Variants in KCNN2 observed in about 807,000 individuals in gnomAD.
KCNN2 encodes the protein potassium calcium-activated channel subfamily N member 2.
Under a neutral mutation model 55.5 loss-of-function variants are expected in KCNN2, and 24 were observed. The observed-to-expected ratio is 0.43, with a 90% confidence interval of 0.31 to 0.61. KCNN2 has a LOEUF of 0.61. Among genes scored for constraint, KCNN2 ranks in the 20% least tolerant of loss-of-function variants. KCNN2 has a pLI of 0.08. For missense variants in KCNN2, 754 were observed against 853.6 expected (o/e 0.88, Z 1.45); for synonymous variants, 431 against 336.1 (o/e 1.28, Z -3.09).
At chr5:114,068,065 G>A (rs147028939) in intron 1 of KCNN2, among the ~76,000 whole-genome samples, 289 of 152,248 alleles carry the variant, frequency 1.9e-3, no homozygotes, top group African/African-American at 6.5e-3. Flanking sequence ...TAACAAAGTC[G>A]CAGAAGTCAT....
chr5:114,379,525 T>G (rs1227745227), intron 2 of KCNN2, among the ~76,000 whole-genome samples: 1 of 107,608 alleles, frequency 9.3e-6, no homozygotes, highest in African/African-American at 4.1e-5. Flanking sequence ...GAATATATTA[T>G]ATAACATATT....
intron 2 of KCNN2, among the ~76,000 whole-genome samples, chr5:114,234,692 G>A (rs768626136): frequency 2.7e-4 from 41 of 152,124 alleles, no homozygotes; most frequent in Non-Finnish European, 5.6e-4. Flanking sequence ...GGAGAGTGGA[G>A]AAGAGGGGAG....
chr5:114,430,015 C>G (rs1280848102), intron 3 of KCNN2, among the ~76,000 whole-genome samples: 4 of 151,810 alleles, frequency 2.6e-5, no homozygotes, highest in African/African-American at 9.7e-5. Flanking sequence ...AACACACTGT[C>G]TTGATTAATG....
At chr5:114,373,640 T>A (rs1444567611) in intron 2 of KCNN2, among the ~76,000 whole-genome samples, 2 of 56,718 alleles carry the variant, frequency 3.5e-5, no homozygotes, top group African/African-American at 5.3e-5. Context: ...TATGAAGATT[T>A]TATATATATA....
intron 1 of KCNN2, among the ~76,000 whole-genome samples, chr5:114,078,827 A>G (rs1750737185): frequency 6.6e-6 from 1 of 152,188 alleles, no homozygotes; most frequent in African/African-American, 2.4e-5. Flanking sequence ...CAAATCAGGA[A>G]TCTAAACTTG....
intron 1 of KCNN2, among the ~76,000 whole-genome samples, chr5:114,219,169 C>G (rs1331632156): frequency 1.3e-5 from 2 of 152,212 alleles, no homozygotes; most frequent in African/African-American, 4.8e-5. Flanking sequence ...ACTCTTGAAG[C>G]CCCAGAGGGC....
intron 1 of KCNN2, among the ~76,000 whole-genome samples, chr5:114,180,604 G>A (rs1405972710): frequency 6.6e-6 from 1 of 151,898 alleles, no homozygotes; most frequent in Non-Finnish European, 1.5e-5. Context: ...AGAATAATTT[G>A]GCTATCTATA....
intron 2 of KCNN2, among the ~76,000 whole-genome samples, chr5:114,251,205 T>C (rs1378150251): frequency 6.6e-6 from 1 of 152,168 alleles, no homozygotes; most frequent in East Asian, 1.9e-4. Context: ...TGTTGCCTAT[T>C]GCAATTACAA....
chr5:114,149,477 C>T (rs1752471209), intron 1 of KCNN2, among the ~76,000 whole-genome samples: 1 of 152,126 alleles, frequency 6.6e-6, no homozygotes, highest in Non-Finnish European at 1.5e-5. Context: ...AGGGGGGTCA[C>T]TGCCTTCTGG....
At chr5:114,346,461 CAAAT>C (rs1245878676) in intron 2 of KCNN2, among the ~76,000 whole-genome samples, 1 of 151,956 alleles carries the variant, frequency 6.6e-6, no homozygotes, top group East Asian at 1.9e-4. Context: ...TAAGATTGAG[CAAAT>C]AAATAAATAT....
intron 2 of KCNN2, among the ~76,000 whole-genome samples, chr5:114,267,522 C>T (rs1229993495): frequency 6.6e-6 from 1 of 151,724 alleles, no homozygotes; most frequent in African/African-American, 2.4e-5. Flanking sequence ...AGGCCAGAGC[C>T]AGAGAACAGT....
intron 1 of KCNN2, among the ~76,000 whole-genome samples, chr5:114,135,655 G>A (rs972117469): frequency 6.6e-6 from 1 of 152,212 alleles, no homozygotes; most frequent in Non-Finnish European, 1.5e-5. Flanking sequence ...TAGTTTTTCT[G>A]ATGTGAGCAG....
intron 1 of KCNN2, among the ~76,000 whole-genome samples, chr5:114,207,162 T>G (rs1753792993): frequency 6.6e-6 from 1 of 152,180 alleles, no homozygotes; most frequent in Non-Finnish European, 1.5e-5. Context: ...GTTCTTGTTT[T>G]GGGGTGTATT....
chr5:114,105,520 G>A (rs189953209), intron 1 of KCNN2, among the ~76,000 whole-genome samples: 5 of 152,128 alleles, frequency 3.3e-5, no homozygotes, highest in Admixed American at 1.3e-4. Flanking sequence ...TCGATCTTAA[G>A]GGAGTCCTAA....
chr5:114,275,093 A>T (rs1019325605), intron 2 of KCNN2, among the ~76,000 whole-genome samples: 1 of 152,154 alleles, frequency 6.6e-6, no homozygotes, highest in Admixed American at 6.5e-5. Context: ...TGAGATAATT[A>T]TGTGGTTTTT....
chr5:114,173,340 G>A (rs1024658445), intron 1 of KCNN2, among the ~76,000 whole-genome samples: 4 of 151,810 alleles, frequency 2.6e-5, no homozygotes, highest in African/African-American at 9.7e-5. Context: ...TAGCTCTGTA[G>A]TATAATTTGA....
intron 3 of KCNN2, among the ~76,000 whole-genome samples, chr5:114,449,750 T>G (rs545650634): frequency 6.6e-6 from 1 of 152,276 alleles, no homozygotes; most frequent in African/African-American, 2.4e-5. Flanking sequence ...ATTTTTTTTT[T>G]CCTTACAGAT....
Position 114,383,618 on chromosome 5 carries a change from G to A in KCNN2, c.1218+19617G>A, listed in dbSNP as rs188496710. 1.3e-3 allele frequency among the ~76,000 whole-genome samples: 197 copies of A among 152,148 alleles called. 1 individual carries two copies. The East Asian group carries it at 0.017, about 13-fold the overall frequency. On this transcript the variant is annotated intron_variant, in intron 2 of 7. Coordinates refer to ENST00000673685, the MANE Select transcript of KCNN2 (RefSeq NM_021614.4). ...CAAGTAGCTGGGATTACAGGCGGGC[G>A]CAGCCATGCTGGCTAATTTTTGTAT...
intron 2 of KCNN2, among the ~76,000 whole-genome samples, chr5:114,369,009 T>G (rs1440331403): frequency 6.6e-6 from 1 of 152,146 alleles, no homozygotes; most frequent in Non-Finnish European, 1.5e-5. Context: ...ATGAACATCC[T>G]TATATATTTA....
Sources: gnomAD v4.1 joint callset for allele counts (sites outside exome capture counted in the v4.1 genomes callset) on GRCh38, gnomAD v4.1.1 for gene constraint, MANE v1.5 for transcripts, NCBI Gene and HGNC (gene_info 2026-07-23, HGNC 2026-07-21) for gene names.